Variants in C6orf58 observed in about 807,000 individuals in gnomAD.
C6orf58 encodes protein LEG1 homolog.
A neutral mutation model predicts 37.0 loss-of-function variants in C6orf58; 30 were observed. The ratio of observed to expected loss-of-function variants is 0.81; its 90% CI spans 0.61 to 1.10. The LOEUF is 1.10. Among genes scored for constraint, C6orf58 ranks in the 50% least tolerant of loss-of-function variants. The pLI is 0.00. For missense variants in C6orf58, 368 were observed against 387.5 expected, an observed-to-expected ratio of 0.95 and a Z score of 0.42; for synonymous variants, 143 against 134.1, an observed-to-expected ratio of 1.07 and a Z score of -0.46.
intron 1 of C6orf58, 151 bp downstream of exon 1, chr6:127,577,637 A>G: frequency 1.4e-6 from 1 of 696,660 alleles, no homozygotes; most frequent in Non-Finnish European, 2.4e-6. Context: ...TTTTCTACCT[A>G]TCCTTCTCCT....
chr6:127,580,013 T>C (rs1013442165), intron 2 of C6orf58, among the ~76,000 whole-genome samples: 12 of 152,126 alleles, frequency 7.9e-5, no homozygotes, highest in African/African-American at 2.9e-4. Flanking sequence ...AATTACTTTT[T>C]GTTTTAAAAT....
At chr6:127,580,168 G>T in intron 2 of C6orf58, 97 bp from the exon 3 acceptor site, 8 of 834,284 alleles carry the variant, frequency 9.6e-6, no homozygotes, top group South Asian at 5.8e-5. Flanking sequence ...AATGTTTCTG[G>T]GTCTGTGAAT....
chr6:127,591,060 C>T (rs1042406237), intron 5 of C6orf58, among the ~76,000 whole-genome samples: 2 of 152,116 alleles, frequency 1.3e-5, no homozygotes, highest in African/African-American at 4.8e-5. Context: ...ACTTTATAGA[C>T]TTCATACAAT....
intron 1 of C6orf58, among the ~76,000 whole-genome samples, chr6:127,578,302 A>G (rs566667262): frequency 6.6e-6 from 1 of 152,278 alleles, no homozygotes; most frequent in Non-Finnish European, 1.5e-5. Flanking sequence ...CTAAGGCATT[A>G]GAGGTTATTT....
At chr6:127,586,045 A>G (rs1317734781) in intron 4 of C6orf58, among the ~76,000 whole-genome samples, 2 of 152,200 alleles carry the variant, frequency 1.3e-5, no homozygotes, top group East Asian at 3.8e-4. Context: ...TATAATTAAG[A>G]ATCTTAACTC....
Position 127,578,756 on chromosome 6 carries a change from G to A in C6orf58, c.372G>A (p.Val124=). The change falls in exon 2 of 6, where the codon GTG becomes GTA. Residue 124 remains valine (V), a synonymous_variant. Coordinates refer to ENST00000329722, the MANE Select transcript of C6orf58 (RefSeq NM_001010905.3). ...YESGDHMCIS[V]DSWWADLNYF... is the part of the protein sequence containing the mutation. ...CTGGAGATCATATGTGCATCTCTGT[G>A]GACAGTTGGTGGGCTGGTATGTTCG... 11 of 1,612,260 alleles carry A rather than the reference G, an allele frequency of 6.8e-6. No individual in the cohort carries two copies. Among genetic ancestry groups the A allele is most frequent in the Non-Finnish European group, 8.5e-6 (10 of 1,178,710 alleles).
intron 4 of C6orf58, among the ~76,000 whole-genome samples, chr6:127,585,689 A>G (rs1441452999): frequency 2.0e-5 from 3 of 152,196 alleles, no homozygotes. Context: ...AACAAATTCT[A>G]GTTTTGCATC....
intron 3 of C6orf58, among the ~76,000 whole-genome samples, chr6:127,580,749 TC>T (rs1366836736): frequency 6.6e-6 from 1 of 152,080 alleles, no homozygotes; most frequent in Non-Finnish European, 1.5e-5. Flanking sequence ...AGTCTTCATG[TC>T]CACTAGGATA....
At chr6:127,582,985 G>A (rs752828802) in intron 4 of C6orf58, among the ~76,000 whole-genome samples, 1 of 152,126 alleles carries the variant, frequency 6.6e-6, no homozygotes, top group African/African-American at 2.4e-5. Flanking sequence ...GTCAGCATTA[G>A]TAATATTTGT....
chr6:127,590,647 TAA>T (rs548925632), intron 5 of C6orf58, among the ~76,000 whole-genome samples: 27 of 147,420 alleles, frequency 1.8e-4, no homozygotes, highest in African/African-American at 6.7e-4. Context: ...TCAGATCATT[TAA>T]AAAAAAAAAC....
Position 127,590,216 on chromosome 6 carries a change from A to G in C6orf58, c.804A>G (p.Pro268=). The G allele has an allele frequency of 6.2e-7, 1 of 1,613,880 alleles. No individual in the cohort carries two copies. The highest frequency in any genetic ancestry group is 8.5e-7 in the Non-Finnish European group (1 of 1,179,834). The part of the protein sequence containing the change: ...RSYKFQKGMP[P]RILLNTDVAP... ...ATAAGTTCCAGAAGGGCATGCCACC[A>G]CGAATTCTTCTTAATACTGATGTAG... Residue 268 remains proline, a synonymous_variant, in exon 5 of 6, where the codon CCA becomes CCG. Transcript: ENST00000329722.
At chr6:127,582,204 A>G (rs963416144) in intron 4 of C6orf58, among the ~76,000 whole-genome samples, 1 of 152,116 alleles carries the variant, frequency 6.6e-6, no homozygotes, top group African/African-American at 2.4e-5. Flanking sequence ...TTCTAATTTT[A>G]ATGAGACCAT....
chr6:127,587,920 C>T (rs1488497797), intron 4 of C6orf58, among the ~76,000 whole-genome samples: 2 of 152,186 alleles, frequency 1.3e-5, no homozygotes, highest in African/African-American at 4.8e-5. Context: ...GGGTTTAAAA[C>T]AGGGCCCTGC....
chr6:127,586,462 C>G (rs1475351577), intron 4 of C6orf58, among the ~76,000 whole-genome samples: 1 of 152,196 alleles, frequency 6.6e-6, no homozygotes, highest in East Asian at 1.9e-4. Flanking sequence ...GGTGCAAATT[C>G]CCTGTGGCTC....
rs1775162511 is a variant in C6orf58, at chr6:127,591,523, T to A, written c.914-20T>A. ...AAAATTTGCAAGAGTTTACATGTAA[T>A]CATTTTGTATCTTTTACAGGTTATC... On this transcript the variant is annotated intron_variant, in intron 5 of 5. Coordinates refer to ENST00000329722, the MANE Select transcript of C6orf58 (RefSeq NM_001010905.3). 1 of 1,508,496 alleles carries A rather than the reference T, an allele frequency of 6.6e-7. No individual in the cohort carries two copies. The highest frequency in any genetic ancestry group is 8.8e-7 in the Non-Finnish European group (1 of 1,136,362). The allele number at this position is 1,508,496 out of a possible 1,614,324, so 93.4% of individuals were successfully genotyped here.
chr6:127,591,417 T>A (rs546782928), intron 5 of C6orf58, 126 bp from the exon 6 acceptor site: 1 of 877,822 alleles, frequency 1.1e-6, no homozygotes, highest in East Asian at 3.6e-5. Context: ...TTTCTTTGTA[T>A]AATTTATGAT....
At position 127,590,307 on chromosome 6, in the gene C6orf58, A is replaced by G. The variant is rs149209214; in HGVS notation, c.895A>G (p.Asn299Asp). ...CCTGGTTCTTCTAAATATGCTTGAC[A>G]ATGTGGATAAATCTATAGGTAAGAA... ...VVLVLLNMLD[N>D]VDKSIGYLCT... Residue 299 changes from asparagine (N) to aspartate (D), a missense_variant, in exon 5 of 6, where the codon AAT (asparagine) becomes GAT (aspartate). Physicochemically the swap from Asn to Asp is conservative, Grantham distance 23. Coordinates refer to ENST00000329722, the MANE Select transcript of C6orf58 (RefSeq NM_001010905.3). 7.1e-5 allele frequency: 114 copies of G among 1,604,596 alleles called. 1 individual carries two copies. The highest frequency in any genetic ancestry group is 1.8e-4 in the South Asian group (16 of 90,894).
chr6:127,580,185 A>T, intron 2 of C6orf58, 80 bp from the exon 3 acceptor site: 1 of 1,097,340 alleles, frequency 9.1e-7, no homozygotes, highest in South Asian at 1.6e-5. Context: ...GAATTTTTTT[A>T]TGACTTATGC....
Position 127,581,170 on chromosome 6 carries a change from T to TC in C6orf58, c.574-11dup. 7.5e-7 allele frequency: 1 copy of TC among 1,340,830 alleles called. No individual in the cohort carries two copies. The highest frequency in any genetic ancestry group is 1.0e-6 in the Non-Finnish European group (1 of 983,128). 83.1% of individuals were successfully genotyped at this position (1,340,830 alleles called of 1,614,324 possible). On this transcript the variant is annotated splice_polypyrimidine_tract_variant and intron_variant, in intron 3 of 5. Coordinates refer to ENST00000329722, the MANE Select transcript of C6orf58 (RefSeq NM_001010905.3). ...TGCTCAAATATTAATAAATTTGACCTCTTTACCTTAGTATTTGCAGTCACC... is the reference window on the plus strand; with the variant it reads ...TGCTCAAATATTAATAAATTTGACCTCCTTTACCTTAGTATTTGCAGTCACC...
Sources: gnomAD v4.1 joint callset for allele counts (sites outside exome capture counted in the v4.1 genomes callset) on GRCh38, gnomAD v4.1.1 for gene constraint, MANE v1.5 for transcripts, NCBI Gene and HGNC (gene_info 2026-07-23, HGNC 2026-07-21) for gene names.